The following P2RX1 variants were observed in gnomAD, a reference collection of about 807,000 sequenced individuals.
The protein encoded by P2RX1 is purinergic receptor P2X 1, also known as P2X purinoceptor 1.
In P2RX1, 42 loss-of-function variants were observed where a neutral mutation model predicts 50.3. The ratio of observed to expected loss-of-function variants is 0.83; its 90% CI spans 0.65 to 1.08. The LOEUF (loss-of-function observed/expected upper bound fraction) is 1.08. Ranked by LOEUF, P2RX1 falls within the 50% of genes least tolerant of loss-of-function variation. The probability of loss-of-function intolerance (pLI) is 0.00; values close to 1 mark genes in which losing one functional copy is unlikely to be tolerated. For missense variants in P2RX1, 449 were observed against 529.0 expected, an observed-to-expected ratio of 0.85 and a Z score of 1.48; for synonymous variants, 199 against 202.6, an observed-to-expected ratio of 0.98 and a Z score of 0.15.
In P2RX1 at chr17:3,903,630, G is replaced by T. The variant is rs1465339788; in HGVS notation, c.526C>A (p.Pro176Thr). ...TTCTCGGCCTCTCGGAGAAGGGCAG[G>T]GCTGGAGGACACCACACGCACTCAC... ...PVEVDDDIPR[P>T]ALLREAENFT... is the part of the protein sequence containing the mutation. The change falls in exon 6 of 12, where the codon CCT (proline) becomes ACT (threonine). Residue 176 changes from proline (P) to threonine (T), a missense_variant and splice_region_variant. By Grantham distance (38) the Pro-to-Thr change is conservative (BLOSUM62 -1). Coordinates refer to ENST00000225538, the MANE Select transcript of P2RX1 (RefSeq NM_002558.4). The surrounding 1 kb of genome is among the most constrained non-coding windows in gnomAD (Gnocchi z 4.6). 2 of 1,613,610 alleles carry T rather than the reference G, an allele frequency of 1.2e-6. No homozygotes were observed. Among genetic ancestry groups the T allele is most frequent in the East Asian group, 2.2e-5 (1 of 44,846 alleles).
intron 7 of P2RX1, among the ~76,000 whole-genome samples, chr17:3,901,258 G>C (rs545093523): frequency 1.2e-4 from 18 of 152,106 alleles, no homozygotes; most frequent in Non-Finnish European, 1.5e-4. Flanking sequence ...TAGTAGAGAC[G>C]GGGTTTCACC....
chr17:3,905,578 C>T (rs1356235924), intron 1 of P2RX1, among the ~76,000 whole-genome samples: 1 of 152,134 alleles, frequency 6.6e-6, no homozygotes, highest in Non-Finnish European at 1.5e-5. Flanking sequence ...AATGCTAATT[C>T]AGGACGGGCG....
intron 3 of P2RX1, 51 bp from the exon 4 acceptor site, chr17:3,904,450 G>GAAGGGCCCCTTGGGTGGGGTCCTGAA: frequency 6.6e-7 from 1 of 1,520,012 alleles, no homozygotes; most frequent in Non-Finnish European, 9.1e-7. Context: ...GGGGTCCTGA[G>GAAGGGCCCCTTGGGTGGGGTCCTGAA]AAGAGCCCCT....
chr17:3,904,155 G>C, intron 4 of P2RX1, 131 bp from the exon 5 acceptor site: 1 of 1,008,698 alleles, frequency 9.9e-7, no homozygotes, highest in Non-Finnish European at 1.5e-6. Flanking sequence ...GCTGGGTCCC[G>C]GACGGGCAGG....
chr17:3,897,960 C>T, intron 11 of P2RX1, 49 bp downstream of exon 11: 1 of 1,609,860 alleles, frequency 6.2e-7, no homozygotes, highest in Admixed American at 1.7e-5. Flanking sequence ...CCAACACAGA[C>T]ACAAGCGCCG....
At chr17:3,906,198 C>G (rs2056260091) in intron 1 of P2RX1, among the ~76,000 whole-genome samples, 1 of 152,150 alleles carries the variant, frequency 6.6e-6, no homozygotes, top group Non-Finnish European at 1.5e-5. Flanking sequence ...GCGGCGCCAT[C>G]TCGGCTCACT....
rs1597506554 is a variant in P2RX1 at position 3,897,594 on chromosome 17, G to A, written c.*220C>T. On this transcript the variant is annotated 3_prime_UTR_variant, in exon 12 of 12. Transcript: ENST00000225538. ...GCCATTCCCCACCAGGAGCGGCTGA[G>A]GCTAGGGTAGGGCTCCCTCAGGGTG... 1 of 604,974 alleles carries A rather than the reference G, an allele frequency of 1.7e-6. No homozygotes were observed. Among genetic ancestry groups the A allele is most frequent in the East Asian group, 2.8e-5 (1 of 35,626 alleles). The allele number at this position is 604,974 out of a possible 1,614,324, so 37.5% of individuals were successfully genotyped here. A position where few individuals can be genotyped will look rare whatever the true frequency, so the allele number is the denominator to read the frequency against.
chr17:3,897,830 T>C lies in P2RX1; in HGVS notation c.1184A>G (p.Asn395Ser). ...GCCCGAGCATCAGGATGTCCTCATG[T>C]TCTCCTGCAGGCCCAGGGTGGAGCT... is the stretch of plus-strand genomic sequence containing the variant. ...ATSSTLGLQE[N>S]MRTS Residue 395 changes from asparagine (N) to serine (S), a missense_variant, in exon 12 of 12, where the codon AAC becomes AGC. Physicochemically the swap from Asn to Ser is conservative, Grantham distance 46 (BLOSUM62 1). Coordinates refer to ENST00000225538, the MANE Select transcript of P2RX1 (RefSeq NM_002558.4). 6.2e-7 allele frequency: 1 copy of C among 1,613,336 alleles called. No homozygotes were observed.
chr17:3,901,778 C>T (rs940109363), intron 7 of P2RX1, among the ~76,000 whole-genome samples: 8 of 152,100 alleles, frequency 5.3e-5, no homozygotes, highest in Non-Finnish European at 7.3e-5. Context: ...CAGCGAGGCA[C>T]GCCAGGCACA....
chr17:3,913,957 G>C (rs1246003554), intron 1 of P2RX1, among the ~76,000 whole-genome samples: 1 of 152,224 alleles, frequency 6.6e-6, no homozygotes, highest in Non-Finnish European at 1.5e-5. Flanking sequence ...CAGGGGTTCG[G>C]TTTGCCGCTG....
At chr17:3,910,006 G>A (rs995996057) in intron 1 of P2RX1, among the ~76,000 whole-genome samples, 6 of 124,638 alleles carry the variant, frequency 4.8e-5, no homozygotes, top group Middle Eastern at 0.012. Context: ...ACGGAGTCTC[G>A]CTCTGTCCCC....
chr17:3,898,254 C>T (rs2056070430), intron 10 of P2RX1, 144 bp from the exon 11 acceptor site: 2 of 792,544 alleles, frequency 2.5e-6, no homozygotes, highest in South Asian at 1.4e-5. Flanking sequence ...GTGGATGAGG[C>T]CCTGCAGGAC....
chr17:3,912,374 A>G (rs2056380777), intron 1 of P2RX1, among the ~76,000 whole-genome samples: 2 of 151,610 alleles, frequency 1.3e-5, no homozygotes, highest in Admixed American at 1.3e-4. Context: ...CCTGTTGCCC[A>G]GGCTGGAGTG....
rs560708847 is a variant in P2RX1 at position 3,916,351 on chromosome 17, G to A, written c.-126C>T. 164 of 1,105,874 alleles carry A rather than the reference G, an allele frequency of 1.5e-4. No homozygotes were observed. In the South Asian group the frequency reaches 1.5e-3, roughly 10 times the overall value. 68.5% of individuals were successfully genotyped at this position (1,105,874 alleles called of 1,614,324 possible). ...CTTCCTGGCCCCTTAGGAAGAGCAG[G>A]GCGGTGCAGGTGGAGCCAGAGGACA... On this transcript the variant is annotated 5_prime_UTR_variant, in exon 1 of 12. Coordinates refer to ENST00000225538, the MANE Select transcript of P2RX1 (RefSeq NM_002558.4).
rs550930910 is a variant in P2RX1, at chr17:3,898,071, G to A, written c.1072C>T (p.Pro358Ser). Residue 358 changes from proline (P) to serine (S), a missense_variant, in exon 11 of 12, where the codon CCT becomes TCT. Physicochemically the swap from Pro to Ser is moderately conservative, Grantham distance 74 (BLOSUM62 -1). Transcript: ENST00000225538. ...TTCTGCTTGTAGTAGTGCCTCTTAGGCAGGATGTGAAGCAGCAGCAGGTCA... is the reference window on the plus strand; with the variant it reads ...TTCTGCTTGTAGTAGTGCCTCTTAGACAGGATGTGAAGCAGCAGCAGGTCA... ...LCDLLLLHIL[P>S]KRHYYKQKKF... 1.8e-5 allele frequency: 29 copies of A among 1,613,400 alleles called. No homozygotes were observed. The highest frequency in any genetic ancestry group is 2.5e-5 in the Non-Finnish European group (29 of 1,179,950).
In P2RX1 at chr17:3,905,265, G is replaced by A. The variant is rs755120606; in HGVS notation, c.240C>T (p.Leu80=). The A allele has an allele frequency of 4.9e-5, 79 of 1,613,684 alleles. No homozygotes were observed. The highest frequency in any genetic ancestry group is 6.7e-5 in the East Asian group (3 of 44,896). ...KGLAVTQLPG[L]GPQVWDVADY... Reference sequence around the variant, plus strand: ...CAGCCACATCCCAGACCTGGGGGCCGAGGCCAGGGAGCTGGGTCACGGCCA... The same window carrying A: ...CAGCCACATCCCAGACCTGGGGGCCAAGGCCAGGGAGCTGGGTCACGGCCA... Residue 80 remains leucine, a synonymous_variant, in exon 2 of 12, where the codon CTC becomes CTT. Coordinates refer to ENST00000225538, the MANE Select transcript of P2RX1 (RefSeq NM_002558.4).
Position 3,897,998 on chromosome 17 carries a change from G to A in P2RX1, c.1134+11C>T, listed in dbSNP as rs781572534. The A allele has an allele frequency of 5.0e-6, 8 of 1,612,762 alleles. No individual in the cohort carries two copies. Among genetic ancestry groups the A allele is most frequent in the South Asian group, 1.1e-5 (1 of 91,058 alleles). ...GGCCTTCGAAGGGCCTGGCTCGGGG[G>A]GTTCTCTTACCGCCCCTGGCCCCAT... is the stretch of plus-strand genomic sequence containing the variant. On this transcript the variant is annotated intron_variant, in intron 11 of 11. Coordinates refer to ENST00000225538, the MANE Select transcript of P2RX1 (RefSeq NM_002558.4).
In P2RX1 at chr17:3,898,096, A is replaced by G. The variant is rs2056067162; in HGVS notation, c.1047T>C (p.Cys349=). 6.2e-7 allele frequency: 1 copy of G among 1,613,490 alleles called. No homozygotes were observed. Among genetic ancestry groups the G allele is most frequent in the Admixed American group, 1.7e-5 (1 of 59,938 alleles). ...IGIFGVATVL[C]DLLLLHILPK... ...GCAGGATGTGAAGCAGCAGCAGGTC[A>G]CAGAGAACTGTGGCCTGGGGTCAGG... Residue 349 remains cysteine (C), a synonymous_variant, in exon 11 of 12, where the codon TGT becomes TGC. Coordinates refer to ENST00000225538, the MANE Select transcript of P2RX1 (RefSeq NM_002558.4).
intron 8 of P2RX1, among the ~76,000 whole-genome samples, chr17:3,899,321 GC>G (rs1283059940): frequency 8.8e-6 from 1 of 113,332 alleles, no homozygotes; most frequent in Non-Finnish European, 1.9e-5. Context: ...TCCCACCTCA[GC>G]CCCCCAAGAT....
Sources: gnomAD v4.1 joint callset for allele counts (sites outside exome capture counted in the v4.1 genomes callset) on GRCh38, gnomAD v4.1.1 for gene constraint, Gnocchi (gnomAD v3.1) non-coding constraint, MANE v1.5 for transcripts, NCBI Gene and HGNC (gene_info 2026-07-23, HGNC 2026-07-21) for gene names.